Variants in GCNT2 observed in about 807,000 individuals in gnomAD.
GCNT2 encodes the protein glucosaminyl (N-acetyl) transferase 2 (I blood group), also known as N-acetyllactosaminide beta-1,6-N-acetylglucosaminyl-transferase.
Under a neutral mutation model 34.2 loss-of-function variants are expected in GCNT2, and 34 were observed. That is an observed-to-expected ratio of 1.00 (90% CI 0.76 to 1.32). The LOEUF is 1.32. Among genes scored for constraint, GCNT2 ranks in the 40% most tolerant of loss-of-function variants. GCNT2 has a pLI of 0.00. For missense variants in GCNT2, 584 were observed against 489.4 expected (o/e 1.19, Z -1.82); for synonymous variants, 212 against 188.0 (o/e 1.13, Z -1.04).
In GCNT2 at chr6:10,579,153, CTT is replaced by C. The variant is rs370396626; in HGVS notation, c.926-42196_926-42195del. On this transcript the variant is annotated intron_variant, in intron 3 of 4. Transcript: ENST00000495262. Reference sequence around the variant, plus strand: ...TGTCATGTACTCTGCCTGCTTTTCTCTTTGGTTATTTACCTTTTCTTATTAAT... The same window carrying C: ...TGTCATGTACTCTGCCTGCTTTTCTCTGGTTATTTACCTTTTCTTATTAAT... Among the ~76,000 whole-genome samples, 240 of 152,272 alleles carry C rather than the reference CTT, an allele frequency of 1.6e-3. 3 individuals are homozygous for C. Among genetic ancestry groups the C allele is most frequent in the African/African-American group, 5.5e-3 (229 of 41,556 alleles).
chr6:10,532,288 G>C (rs115665139), intron 3 of GCNT2, among the ~76,000 whole-genome samples: 2,478 of 152,258 alleles, frequency 0.016, 66 homozygotes, highest in African/African-American at 0.056. Flanking sequence ...TACACCCCGT[G>C]TTAGCAGTAA....
chr6:10,534,146 T>TTTTTTTTTTTTTTTTTTTTTTTTTC (rs1761648001), intron 3 of GCNT2, among the ~76,000 whole-genome samples: 1 of 135,606 alleles, frequency 7.4e-6, no homozygotes, highest in Non-Finnish European at 1.6e-5. Flanking sequence ...CTGCTCTTTT[T>TTTTTTTTTTTTTTTTTTTTTTTTTC]TTTTTTTTTT....
chr6:10,596,734 TA>T (rs71548853), intron 3 of GCNT2, among the ~76,000 whole-genome samples: 181 of 143,350 alleles, frequency 1.3e-3, no homozygotes, highest in Middle Eastern at 3.5e-3. Flanking sequence ...TTTCCTCTAT[TA>T]AAAAAAAAAA....
intron 3 of GCNT2, among the ~76,000 whole-genome samples, chr6:10,592,237 G>A (rs1453398810): frequency 1.3e-5 from 2 of 152,156 alleles, no homozygotes. Flanking sequence ...CCATAGGTTC[G>A]TATCCATTGA....
At chr6:10,598,767 C>G (rs1253736125) in intron 3 of GCNT2, among the ~76,000 whole-genome samples, 2 of 152,148 alleles carry the variant, frequency 1.3e-5, no homozygotes, top group Non-Finnish European at 2.9e-5. Context: ...GGAAGGGGCC[C>G]TCTGGAGCCG....
intron 3 of GCNT2, among the ~76,000 whole-genome samples, chr6:10,530,919 T>C (rs572149887): frequency 7.5e-4 from 114 of 151,924 alleles, no homozygotes; most frequent in African/African-American, 2.7e-3. Flanking sequence ...CCAGGCGTGG[T>C]GGCGCATGCC....
At chr6:10,621,825 C>G (rs1766049695) in intron 4 of GCNT2, among the ~76,000 whole-genome samples, 1 of 152,172 alleles carries the variant, frequency 6.6e-6, no homozygotes, top group African/African-American at 2.4e-5. Context: ...CACACCTCAG[C>G]CTCCCAAGAA....
At chr6:10,569,274 C>CACACACACACACACACACACACACACACA (rs1491123758) in intron 3 of GCNT2, among the ~76,000 whole-genome samples, 110 of 137,030 alleles carry the variant, frequency 8.0e-4, no homozygotes, top group Non-Finnish European at 1.1e-3. Context: ...CACACACACA[C>CACACACACACACACACACACACACACACA]CCCCTAGGTA....
At chr6:10,598,519 A>G (rs1764952301) in intron 3 of GCNT2, among the ~76,000 whole-genome samples, 2 of 152,130 alleles carry the variant, frequency 1.3e-5, no homozygotes, top group Admixed American at 1.3e-4. Flanking sequence ...GCCAACCACC[A>G]CTACTGCTAC....
rs1766289242 is a variant in GCNT2, at chr6:10,627,078, C to T, written c.*471C>T. ...GTGAAACAGCTTTCTGGGTAATTCACCAATTTCCTTTAAAACATAAGCTAC... is the reference window on the plus strand; with the variant it reads ...GTGAAACAGCTTTCTGGGTAATTCATCAATTTCCTTTAAAACATAAGCTAC... On this transcript the variant is annotated 3_prime_UTR_variant, in exon 5 of 5. Coordinates refer to ENST00000495262, the MANE Select transcript of GCNT2 (RefSeq NM_145649.5). 1 of 164,332 alleles carries T rather than the reference C, an allele frequency of 6.1e-6. No individual in the cohort carries two copies. The highest frequency in any genetic ancestry group is 2.4e-5 in the African/African-American group (1 of 41,562). 10.2% of individuals were successfully genotyped at this position (164,332 alleles called of 1,614,324 possible).
chr6:10,557,938 T>A, intron 3 of GCNT2: 1 of 152,402 alleles, frequency 6.6e-6, no homozygotes, highest in East Asian at 1.9e-4. Flanking sequence ...TCCACACTGG[T>A]GTTCTTTCTT....
rs377467426 is a variant in GCNT2, at chr6:10,570,523, A to C, written c.925+40687A>C. On this transcript the variant is annotated intron_variant, in intron 3 of 4. Transcript: ENST00000495262. Reference sequence around the variant, plus strand: ...CTGGAGATACTCATGTCATACTGATAAATTTAGCTTCGTGCTACCATCAGC... The same window carrying C: ...CTGGAGATACTCATGTCATACTGATCAATTTAGCTTCGTGCTACCATCAGC... Among the ~76,000 whole-genome samples the C allele has an allele frequency of 1.8e-4, 28 of 152,364 alleles. No individual in the cohort carries two copies. The East Asian group carries it at 3.7e-3, about 20-fold the overall frequency.
At chr6:10,525,935 T>G (rs1761160587) in intron 1 of GCNT2, among the ~76,000 whole-genome samples, 1 of 152,220 alleles carries the variant, frequency 6.6e-6, no homozygotes, top group Non-Finnish European at 1.5e-5. Context: ...AACAAACACC[T>G]GATGTAATTG....
At chr6:10,587,610 A>G (rs1277424382) in intron 3 of GCNT2, among the ~76,000 whole-genome samples, 1 of 152,210 alleles carries the variant, frequency 6.6e-6, no homozygotes, top group Non-Finnish European at 1.5e-5. Context: ...TCCAATTTGC[A>G]GCTTCTTGTT....
intron 3 of GCNT2, among the ~76,000 whole-genome samples, chr6:10,564,060 T>C (rs1007540304): frequency 6.6e-6 from 1 of 152,108 alleles, no homozygotes; most frequent in Non-Finnish European, 1.5e-5. Context: ...CATCCTGATA[T>C]TCAGCCCATT....
intron 3 of GCNT2, among the ~76,000 whole-genome samples, chr6:10,589,208 GGTGT>G (rs1037304495): frequency 6.9e-6 from 1 of 144,222 alleles, no homozygotes; most frequent in Non-Finnish European, 1.5e-5. Flanking sequence ...TGGTGTGTGT[GGTGT>G]GTGTGTTTGC....
intron 3 of GCNT2, among the ~76,000 whole-genome samples, chr6:10,571,397 G>A (rs773412561): frequency 9.2e-5 from 14 of 151,996 alleles, no homozygotes; most frequent in Non-Finnish European, 1.8e-4. Context: ...ACCCAGGCTG[G>A]ATGGAGTGCA....
In GCNT2 at chr6:10,556,846, ATT is replaced by A. The variant is rs764700830; in HGVS notation, c.925+27011_925+27012del. 4 of 1,614,044 alleles carry A rather than the reference ATT, an allele frequency of 2.5e-6. No individual in the cohort carries two copies. The African/African-American group carries it at 5.3e-5, about 22-fold the overall frequency. ...AATTTAAAGATGCGGTAGAGCAACT[ATT>A]AAGCTGCTTCCCAAACGCTTTTCTG... On this transcript the variant is annotated intron_variant, in intron 3 of 4. Transcript: ENST00000495262.
chr6:10,607,860 A>G (rs73721317), intron 3 of GCNT2, among the ~76,000 whole-genome samples: 18,555 of 151,990 alleles, frequency 0.12, 1,730 homozygotes, highest in African/African-American at 0.26. Context: ...CTTTTACTCT[A>G]ATTTTGAGAT....
Sources: gnomAD v4.1 joint callset for allele counts (sites outside exome capture counted in the v4.1 genomes callset) on GRCh38, gnomAD v4.1.1 for gene constraint, MANE v1.5 for transcripts, NCBI Gene and HGNC (gene_info 2026-07-23, HGNC 2026-07-21) for gene names.